NRXN1: variants seen among roughly 807,000 people sequenced by gnomAD.
The protein encoded by NRXN1 is neurexin-1.
In NRXN1, 39 loss-of-function variants were observed where a neutral mutation model predicts 150.9. The ratio of observed to expected loss-of-function variants is 0.26; its 90% CI spans 0.20 to 0.34. NRXN1 has a LOEUF of 0.34. Among genes scored for constraint, NRXN1 ranks in the 10% least tolerant of loss-of-function variants. The pLI is 1.00. For synonymous variants in NRXN1, 924 were observed against 757.0 expected (o/e 1.22, Z -3.62); for missense variants, 1,815 against 1,949.9 (o/e 0.93, Z 1.30).
intron 22 of NRXN1, among the ~76,000 whole-genome samples, chr2:49,923,227 C>A (rs1362854375): frequency 1.3e-5 from 2 of 151,994 alleles, no homozygotes; most frequent in Non-Finnish European, 2.9e-5. Context: ...AGCTCTTTTC[C>A]CCTATATATA....
At chr2:50,357,941 G>T (rs963274932) in intron 17 of NRXN1, among the ~76,000 whole-genome samples, 1 of 152,158 alleles carries the variant, frequency 6.6e-6, no homozygotes. Context: ...AGCCAAAGCA[G>T]GGTGGGGCGT....
At chr2:50,585,870 G>A (rs567155117) in intron 8 of NRXN1, among the ~76,000 whole-genome samples, 5 of 152,314 alleles carry the variant, frequency 3.3e-5, no homozygotes, top group African/African-American at 9.6e-5. Context: ...GTGGTAACTT[G>A]AGAAGTGCCA....
At chr2:50,773,080 T>C (rs1423539690) in intron 5 of NRXN1, among the ~76,000 whole-genome samples, 2 of 152,194 alleles carry the variant, frequency 1.3e-5, no homozygotes, top group South Asian at 2.1e-4. Context: ...GTCATACAAC[T>C]ACTTTACCTA....
chr2:50,593,335 G>A (rs1018122799), intron 8 of NRXN1, among the ~76,000 whole-genome samples: 2 of 152,120 alleles, frequency 1.3e-5, no homozygotes, highest in Non-Finnish European at 2.9e-5. Context: ...AACACATGGA[G>A]TCTGTCATCT....
intron 18 of NRXN1, among the ~76,000 whole-genome samples, chr2:50,196,402 C>T (rs1361165780): frequency 6.6e-6 from 1 of 152,082 alleles, no homozygotes; most frequent in Non-Finnish European, 1.5e-5. Flanking sequence ...TGGCAAAGAA[C>T]ATGTTTGTAC....
intron 21 of NRXN1, among the ~76,000 whole-genome samples, chr2:50,035,154 G>A (rs1244642656): frequency 6.6e-6 from 1 of 152,068 alleles, no homozygotes; most frequent in Non-Finnish European, 1.5e-5. Context: ...GGCTAGATAT[G>A]GGGACATCTA....
chr2:50,884,768 T>C (rs1341679919), intron 5 of NRXN1, among the ~76,000 whole-genome samples: 4 of 151,464 alleles, frequency 2.6e-5, no homozygotes, highest in South Asian at 2.1e-4. Flanking sequence ...TAGAAACCCA[T>C]AGGTTTTAAC....
At chr2:50,794,602 G>A (rs1377059791) in intron 5 of NRXN1, among the ~76,000 whole-genome samples, 2 of 151,988 alleles carry the variant, frequency 1.3e-5, no homozygotes, top group South Asian at 2.1e-4. Flanking sequence ...TTAAACACAA[G>A]GAGCAATTAC....
chr2:50,156,548 A>G (rs1331456290), intron 18 of NRXN1, among the ~76,000 whole-genome samples: 1 of 151,940 alleles, frequency 6.6e-6, no homozygotes, highest in Non-Finnish European at 1.5e-5. Context: ...TTATAACTAT[A>G]AAGCAATAAT....
At chr2:50,095,764 CTTT>C (rs5831084) in intron 18 of NRXN1, among the ~76,000 whole-genome samples, 64 of 146,226 alleles carry the variant, frequency 4.4e-4, no homozygotes, top group African/African-American at 1.2e-3. Flanking sequence ...GAACATCCGA[CTTT>C]TTTTTTTTTT....
chr2:50,651,546 T>C (rs1372709263), intron 5 of NRXN1, among the ~76,000 whole-genome samples: 1 of 151,690 alleles, frequency 6.6e-6, no homozygotes, highest in Non-Finnish European at 1.5e-5. Context: ...TAAAATACAC[T>C]GGGAGGCTGA....
intron 17 of NRXN1, among the ~76,000 whole-genome samples, chr2:50,292,485 TCAG>T (rs2073049360): frequency 6.6e-6 from 1 of 152,176 alleles, no homozygotes; most frequent in African/African-American, 2.4e-5. Flanking sequence ...AGACTCCATG[TCAG>T]CCTCTTTAAC....
intron 18 of NRXN1, among the ~76,000 whole-genome samples, chr2:50,179,477 G>T (rs759880163): frequency 3.5e-4 from 53 of 152,196 alleles, no homozygotes; most frequent in South Asian, 1.0e-3. Flanking sequence ...AAGCAAATTA[G>T]ACCCACTGAA....
chr2:50,681,566 T>C (rs1332888322), intron 5 of NRXN1, among the ~76,000 whole-genome samples: 2 of 152,110 alleles, frequency 1.3e-5, no homozygotes, highest in African/African-American at 2.4e-5. Context: ...TTTTAGTAAA[T>C]ACTAATGAGA....
intron 21 of NRXN1, among the ~76,000 whole-genome samples, chr2:49,953,433 C>A (rs1674334102): frequency 6.6e-6 from 1 of 152,040 alleles, no homozygotes; most frequent in Admixed American, 6.6e-5. Context: ...AACTGGAACT[C>A]CAAGCTTCTA....
intron 18 of NRXN1, among the ~76,000 whole-genome samples, chr2:50,227,656 TGGTAGCAGTGCAGAG>T: frequency 6.6e-6 from 1 of 152,146 alleles, no homozygotes; most frequent in East Asian, 1.9e-4. Flanking sequence ...ACAATCATTC[TGGTAGCAGTGCAGAG>T]GATGGATTAG....
chr2:50,777,706 T>C (rs999155494), intron 5 of NRXN1, among the ~76,000 whole-genome samples: 2 of 152,136 alleles, frequency 1.3e-5, no homozygotes, highest in Admixed American at 6.5e-5. Context: ...GCACATCATC[T>C]AAATATCCTA....
intron 21 of NRXN1, among the ~76,000 whole-genome samples, chr2:49,990,828 C>T (rs888051387): frequency 2.6e-5 from 4 of 152,094 alleles, no homozygotes; most frequent in Non-Finnish European, 1.5e-5. Context: ...GCACTATTAG[C>T]AAGCTTCAAA....
chr2:50,286,264 ACCAATATCTC>A (rs1405606380), intron 17 of NRXN1, among the ~76,000 whole-genome samples: 5 of 152,192 alleles, frequency 3.3e-5, no homozygotes, highest in Admixed American at 2.0e-4. Flanking sequence ...GTAGTCTTTG[ACCAATATCTC>A]CCAAACTCCA....
Sources: gnomAD v4.1 joint callset for allele counts (sites outside exome capture counted in the v4.1 genomes callset) on GRCh38, gnomAD v4.1.1 for gene constraint, MANE v1.5 for transcripts, NCBI Gene and HGNC (gene_info 2026-07-23, HGNC 2026-07-21) for gene names.